The following MBD5 variants were observed in gnomAD, a reference collection of about 807,000 sequenced individuals.
The protein encoded by MBD5 is methyl-CpG binding domain protein 5.
A neutral mutation model predicts 117.3 loss-of-function variants in MBD5; 13 were observed. That is an observed-to-expected ratio of 0.11 (90% CI 0.07 to 0.18). MBD5 has a LOEUF of 0.18. Among genes scored for constraint, MBD5 ranks in the 10% least tolerant of loss-of-function variants. The probability of loss-of-function intolerance (pLI) is 1.00; values close to 1 mark genes in which losing one functional copy is unlikely to be tolerated. For missense variants in MBD5, 1,879 were observed against 2,093.8 expected (o/e 0.90, Z 2.00); for synonymous variants, 727 against 766.4 (o/e 0.95, Z 0.85).
At chr2:148,451,410 A>T (rs947172137) in intron 4 of MBD5, among the ~76,000 whole-genome samples, 1 of 152,170 alleles carries the variant, frequency 6.6e-6, no homozygotes, top group Non-Finnish European at 1.5e-5. Context: ...TGTCTTGAGT[A>T]AATAGGTCAA....
chr2:148,425,141 A>C (rs1705737821), intron 4 of MBD5, among the ~76,000 whole-genome samples: 1 of 152,188 alleles, frequency 6.6e-6, no homozygotes, highest in African/African-American at 2.4e-5. Flanking sequence ...CACTAGCCAG[A>C]CTAATAAAGA....
At chr2:148,377,390 C>T (rs1704020157) in intron 4 of MBD5, among the ~76,000 whole-genome samples, 1 of 152,158 alleles carries the variant, frequency 6.6e-6, no homozygotes, top group South Asian at 2.1e-4. Flanking sequence ...TGGCAACACC[C>T]TCATAGACAC....
At position 148,116,585 on chromosome 2, in the gene MBD5, T is replaced by C. The variant is rs534631137; in HGVS notation, c.-924-62115T>C. Among the ~76,000 whole-genome samples, 25 of 152,270 alleles carry C rather than the reference T, an allele frequency of 1.6e-4. 1 individual carries two copies. The highest frequency in any genetic ancestry group is 5.8e-4 in the African/African-American group (24 of 41,566). ...GGGTGGACGTGTAGGTTAGTTCAAC[T>C]CTTTTTGGTTGTTTTATTATTGATT... is the stretch of plus-strand genomic sequence containing the variant. On this transcript the variant is annotated intron_variant, in intron 1 of 13. Coordinates refer to ENST00000642680, the MANE Select transcript of MBD5 (RefSeq NM_001378120.1).
intron 3 of MBD5, among the ~76,000 whole-genome samples, chr2:148,327,866 T>C (rs1702503958): frequency 1.3e-5 from 2 of 152,148 alleles, no homozygotes; most frequent in South Asian, 2.1e-4. Flanking sequence ...CCGTCCAGCT[T>C]TGTTCTGTTG....
chr2:148,429,767 G>T lies in MBD5; in HGVS notation c.-556-28436G>T, dbSNP rs559120619. Reference sequence around the variant, plus strand: ...AAGAACAGAAAACCAAACACCATATGTTCTCACTCATAAGTGGGAGTTAAA... The same window carrying T: ...AAGAACAGAAAACCAAACACCATATTTTCTCACTCATAAGTGGGAGTTAAA... On this transcript the variant is annotated intron_variant, in intron 4 of 13. Coordinates refer to ENST00000642680, the MANE Select transcript of MBD5 (RefSeq NM_001378120.1). Among the ~76,000 whole-genome samples, 16 of 152,240 alleles carry T rather than the reference G, an allele frequency of 1.1e-4. No individual in the cohort carries two copies. In the East Asian group the frequency reaches 3.1e-3, roughly 29 times the overall value.
intron 1 of MBD5, among the ~76,000 whole-genome samples, chr2:148,101,051 C>A (rs1449596618): frequency 6.6e-6 from 1 of 152,084 alleles, no homozygotes; most frequent in Non-Finnish European, 1.5e-5. Context: ...TTTAGCTTAC[C>A]TGTTGGTTAT....
At chr2:148,075,025 C>T (rs1023190523) in intron 1 of MBD5, among the ~76,000 whole-genome samples, 27 of 151,894 alleles carry the variant, frequency 1.8e-4, no homozygotes, top group Admixed American at 1.3e-4. Flanking sequence ...ATGAGGCATA[C>T]GGGATTGTCA....
intron 4 of MBD5, among the ~76,000 whole-genome samples, chr2:148,394,855 T>C (rs868058454): frequency 1.3e-5 from 2 of 152,200 alleles, no homozygotes; most frequent in Non-Finnish European, 2.9e-5. Context: ...ATTATTGATA[T>C]GAACTTTCTT....
chr2:148,311,476 C>A (rs1702029411), intron 3 of MBD5, among the ~76,000 whole-genome samples: 1 of 152,070 alleles, frequency 6.6e-6, no homozygotes, highest in Non-Finnish European at 1.5e-5. Context: ...GCAACCCCTG[C>A]TTTTTATTGC....
At chr2:148,059,312 T>G (rs190917631) in intron 1 of MBD5, among the ~76,000 whole-genome samples, 1 of 152,306 alleles carries the variant, frequency 6.6e-6, no homozygotes, top group African/African-American at 2.4e-5. Flanking sequence ...AGTTTTCTAT[T>G]TAGTTTCTAC....
In MBD5 at chr2:148,458,590, A is replaced by G; in HGVS notation, c.-169A>G. 6 of 646,892 alleles carry G rather than the reference A, an allele frequency of 9.3e-6. No homozygotes were observed. The highest frequency in any genetic ancestry group is 2.7e-5 in the East Asian group (1 of 36,586). 40.1% of individuals were successfully genotyped at this position (646,892 alleles called of 1,614,324 possible). A position where few individuals can be genotyped will look rare whatever the true frequency, so the allele number is the denominator to read the frequency against. On this transcript the variant is annotated 5_prime_UTR_variant, in exon 5 of 14. Transcript: ENST00000642680. ...GGAAGCTGATTTTTTTCACAATGGC[A>G]TATTTCAAGGACTTGGTTCCAAACT...
intron 8 of MBD5, among the ~76,000 whole-genome samples, chr2:148,475,307 T>G (rs768390270): frequency 6.6e-6 from 1 of 152,178 alleles, no homozygotes; most frequent in Non-Finnish European, 1.5e-5. Flanking sequence ...ATGTCTATTA[T>G]TTTAGTAAAT....
chr2:148,033,769 C>G (rs1398455774), intron 1 of MBD5, among the ~76,000 whole-genome samples: 1 of 152,120 alleles, frequency 6.6e-6, no homozygotes, highest in African/African-American at 2.4e-5. Flanking sequence ...ATCAGGTGAT[C>G]TTGAACTTAA....
intron 3 of MBD5, among the ~76,000 whole-genome samples, chr2:148,329,226 A>T (rs1186422961): frequency 6.6e-6 from 1 of 152,252 alleles, no homozygotes; most frequent in Non-Finnish European, 1.5e-5. Flanking sequence ...AGTTTCTGAG[A>T]AATGAAACAG....
At chr2:148,114,872 G>A (rs1456170065) in intron 1 of MBD5, among the ~76,000 whole-genome samples, 3 of 151,244 alleles carry the variant, frequency 2.0e-5, no homozygotes, top group Non-Finnish European at 4.4e-5. Flanking sequence ...TTCTAATAAC[G>A]AAAATAATGT....
intron 1 of MBD5, among the ~76,000 whole-genome samples, chr2:148,040,730 T>C (rs1176167182): frequency 3.3e-5 from 5 of 152,218 alleles, no homozygotes; most frequent in Non-Finnish European, 7.4e-5. Flanking sequence ...AAACATATTA[T>C]GGCAGTAGTT....
intron 2 of MBD5, among the ~76,000 whole-genome samples, chr2:148,202,368 A>T (rs1239641561): frequency 2.0e-5 from 3 of 152,130 alleles, no homozygotes; most frequent in African/African-American, 7.2e-5. Flanking sequence ...AGTTGATGGA[A>T]GTGGTGAGCA....
intron 3 of MBD5, among the ~76,000 whole-genome samples, chr2:148,255,836 A>G (rs567210377): frequency 2.1e-4 from 32 of 152,258 alleles, no homozygotes; most frequent in Non-Finnish European, 4.0e-4. Flanking sequence ...TGCAGGTTGT[A>G]TGGCACACGG....
chr2:148,143,549 A>G (rs968289410), intron 1 of MBD5, among the ~76,000 whole-genome samples: 5 of 152,190 alleles, frequency 3.3e-5, no homozygotes, highest in Non-Finnish European at 5.9e-5. Context: ...ATACATATGT[A>G]TATGCCATGT....
Sources: gnomAD v4.1 joint callset for allele counts (sites outside exome capture counted in the v4.1 genomes callset) on GRCh38, gnomAD v4.1.1 for gene constraint, MANE v1.5 for transcripts, NCBI Gene and HGNC (gene_info 2026-07-23, HGNC 2026-07-21) for gene names.